The following SHANK2 variants were observed in gnomAD, a reference collection of about 807,000 sequenced individuals.
SHANK2 encodes SH3 and multiple ankyrin repeat domains protein 2.
SHANK2 carries 43 observed loss-of-function variants against 133.7 expected under a neutral mutation model. The ratio of observed to expected loss-of-function variants is 0.32; its 90% CI spans 0.25 to 0.41. The LOEUF is 0.41. Among genes scored for constraint, SHANK2 ranks in the 10% least tolerant of loss-of-function variants. The pLI is 1.00. For missense variants in SHANK2, 1,994 were observed against 2,235.8 expected (o/e 0.89, Z 2.18); for synonymous variants, 1,017 against 952.8 (o/e 1.07, Z -1.24).
At chr11:70,888,987 C>T (rs1421986549) in intron 11 of SHANK2, among the ~76,000 whole-genome samples, 1 of 152,172 alleles carries the variant, frequency 6.6e-6, no homozygotes, top group African/African-American at 2.4e-5. Context: ...GAAGAGGTAA[C>T]AGCCTGAGAA....
intron 17 of SHANK2, among the ~76,000 whole-genome samples, chr11:70,557,132 G>C (rs907609326): frequency 1.3e-5 from 2 of 148,844 alleles, no homozygotes; most frequent in Non-Finnish European, 3.0e-5. Flanking sequence ...CCACATACCA[G>C]GCATTGCACT....
At chr11:70,523,903 G>A (rs2059362782) in intron 17 of SHANK2, among the ~76,000 whole-genome samples, 1 of 152,148 alleles carries the variant, frequency 6.6e-6, no homozygotes. Flanking sequence ...TCCCTCCCCT[G>A]TGCTGCTCCG....
chr11:70,625,001 C>T (rs1565190348), intron 17 of SHANK2, among the ~76,000 whole-genome samples: 1 of 152,220 alleles, frequency 6.6e-6, no homozygotes, highest in Non-Finnish European at 1.5e-5. Flanking sequence ...ACACCAGCTG[C>T]AAGTTCTGGG....
intron 14 of SHANK2, among the ~76,000 whole-genome samples, chr11:70,776,960 C>T (rs4388911): frequency 0.018 from 2,659 of 150,232 alleles, 80 homozygotes; most frequent in African/African-American, 0.061. Flanking sequence ...CATTGAGATA[C>T]CTACTAACCC....
At chr11:70,777,142 C>T (rs1413640592) in intron 14 of SHANK2, among the ~76,000 whole-genome samples, 1 of 151,546 alleles carries the variant, frequency 6.6e-6, no homozygotes, top group Non-Finnish European at 1.5e-5. Flanking sequence ...CATCCACCCA[C>T]TCATCCATTT....
intron 11 of SHANK2, among the ~76,000 whole-genome samples, chr11:70,831,855 C>T (rs1304598950): frequency 2.0e-5 from 3 of 152,196 alleles, no homozygotes; most frequent in East Asian, 3.9e-4. Context: ...TGGAAAGAGC[C>T]GGACGTGGGA....
intron 17 of SHANK2, among the ~76,000 whole-genome samples, chr11:70,581,899 T>C (rs1591608222): frequency 1.3e-5 from 2 of 152,204 alleles, no homozygotes; most frequent in East Asian, 3.8e-4. Flanking sequence ...TGATTTAATG[T>C]CCTGTAGAGC....
At chr11:70,888,070 T>C (rs1424635404) in intron 11 of SHANK2, among the ~76,000 whole-genome samples, 1 of 151,990 alleles carries the variant, frequency 6.6e-6, no homozygotes, top group Non-Finnish European at 1.5e-5. Flanking sequence ...TTGACAGAGA[T>C]AGACAAATGG....
intron 17 of SHANK2, among the ~76,000 whole-genome samples, chr11:70,619,335 C>G (rs1554996967): frequency 6.6e-6 from 1 of 152,202 alleles, no homozygotes; most frequent in Admixed American, 6.5e-5. Context: ...AGCGAGGGTC[C>G]TTTCCTGTCT....
intron 12 of SHANK2, among the ~76,000 whole-genome samples, chr11:70,815,175 A>AACACACACACACACACACACAC (rs61610592): frequency 8.4e-6 from 1 of 119,648 alleles, no homozygotes; most frequent in Non-Finnish European, 1.8e-5. Flanking sequence ...TGGGAGAAGA[A>AACACACACACACACACACACAC]ACACACACAC....
chr11:70,641,258 G>T lies in SHANK2; in HGVS notation c.2061+18570C>A, dbSNP rs570268423. ...CTACAGGCGCATGCCACCACGCCTG[G>T]ATAATTTTTTTGTATTAGTAGAGAT... On this transcript the variant is annotated intron_variant, in intron 17 of 25. Transcript: ENST00000601538. Among the ~76,000 whole-genome samples the T allele has an allele frequency of 1.6e-3, 237 of 152,082 alleles. 3 individuals are homozygous for T. Among genetic ancestry groups the T allele is most frequent in the Admixed American group, 2.4e-3 (37 of 15,272 alleles).
Position 70,805,238 on chromosome 11 carries a change from C to T in SHANK2, c.1663+1764G>A, listed in dbSNP as rs189292994. On this transcript the variant is annotated intron_variant, in intron 13 of 25. Transcript: ENST00000601538. The stretch of plus-strand genomic sequence containing the variant: ...TCACAGAGGAGCAGCTCCCACCCTC[C>T]GACCCCTGAGCCCCAGGCTTCTCCT... 1.4e-3 allele frequency among the ~76,000 whole-genome samples: 215 copies of T among 152,286 alleles called. 3 individuals carry two copies. The highest frequency in any genetic ancestry group is 4.9e-3 in the African/African-American group (202 of 41,570).
chr11:70,905,628 A>T (rs1950090300), intron 10 of SHANK2, among the ~76,000 whole-genome samples: 1 of 152,066 alleles, frequency 6.6e-6, no homozygotes, highest in African/African-American at 2.4e-5. Context: ...CTTGGAAAAG[A>T]GGCTGCAGAG....
In SHANK2 at chr11:70,739,010, C is replaced by G. The variant is rs1372644158; in HGVS notation, c.1778-40247G>C. Among the ~76,000 whole-genome samples, 1 of 152,176 alleles carries G rather than the reference C, an allele frequency of 6.6e-6. No homozygotes were observed. The highest frequency in any genetic ancestry group is 1.5e-5 in the Non-Finnish European group (1 of 68,034). On this transcript the variant is annotated intron_variant, in intron 14 of 25. Coordinates refer to ENST00000601538, the MANE Select transcript of SHANK2 (RefSeq NM_012309.5). The surrounding 1 kb of genome is among the most constrained non-coding windows in gnomAD (Gnocchi z 4.3). ...GGAAGGACCTGTGGTGTTCAGACAC[C>G]CCTCTGGATTCAGTGAGTAGGGCTG...
intron 15 of SHANK2, among the ~76,000 whole-genome samples, chr11:70,674,705 G>C (rs1045671674): frequency 6.6e-6 from 1 of 152,244 alleles, no homozygotes; most frequent in Non-Finnish European, 1.5e-5. Context: ...ACGGCCCAGA[G>C]AGTGAACATT....
intron 1 of SHANK2, among the ~76,000 whole-genome samples, chr11:71,247,369 A>G (rs970157276): frequency 5.9e-5 from 9 of 152,348 alleles, no homozygotes; most frequent in African/African-American, 2.2e-4. Flanking sequence ...TTGGTAAATG[A>G]TGAATGGCAC....
intron 14 of SHANK2, among the ~76,000 whole-genome samples, chr11:70,777,637 T>A (rs1947395084): frequency 6.6e-6 from 1 of 152,224 alleles, no homozygotes; most frequent in Non-Finnish European, 1.5e-5. Flanking sequence ...ATCCTCCTGA[T>A]TCTTGGCTCT....
Position 70,476,873 on chromosome 11 carries a change from TA to T in SHANK2, c.4980-3435del, listed in dbSNP as rs367872903. Reference sequence around the variant, plus strand: ...ACCAGGCCTGTGAAGCAGAGGCAAGTAAAGCCCCAGAGTGAGAGCACCTACC... The same window carrying T: ...ACCAGGCCTGTGAAGCAGAGGCAAGTAAGCCCCAGAGTGAGAGCACCTACC... On this transcript the variant is annotated intron_variant, in intron 25 of 25. Coordinates refer to ENST00000601538, the MANE Select transcript of SHANK2 (RefSeq NM_012309.5). Among the ~76,000 whole-genome samples the T allele has an allele frequency of 3.2e-4, 49 of 152,276 alleles. No homozygotes were observed. In the South Asian group the frequency reaches 5.0e-3, roughly 15 times the overall value.
chr11:71,065,779 AG>A (rs1951046611), intron 9 of SHANK2, among the ~76,000 whole-genome samples: 1 of 25,240 alleles, frequency 4.0e-5, no homozygotes, highest in Non-Finnish European at 7.3e-5. Flanking sequence ...GTTGGGGAGG[AG>A]GGGTACAGAA....
Sources: allele counts gnomAD v4.1 joint callset (sites outside exome capture counted in the v4.1 genomes callset), GRCh38; gene constraint gnomAD v4.1.1; non-coding constraint Gnocchi (gnomAD v3.1); transcripts MANE v1.5; gene names NCBI Gene and HGNC (gene_info 2026-07-23, HGNC 2026-07-21).